Variants in PRKCE observed in about 807,000 individuals in gnomAD.
PRKCE encodes protein kinase C epsilon type.
PRKCE carries 16 observed loss-of-function variants against 85.4 expected under a neutral mutation model. That is an observed-to-expected ratio of 0.19 (90% CI 0.13 to 0.28). PRKCE has a LOEUF of 0.28. PRKCE is among the 10% of genes least tolerant of loss of function. The pLI is 1.00. For missense variants in PRKCE, 573 were observed against 975.2 expected, an observed-to-expected ratio of 0.59 and a Z score of 5.49; for synonymous variants, 388 against 371.5, an observed-to-expected ratio of 1.04 and a Z score of -0.51.
At chr2:46,025,047 C>T (rs1706992635) in intron 10 of PRKCE, among the ~76,000 whole-genome samples, 1 of 152,044 alleles carries the variant, frequency 6.6e-6, no homozygotes, top group African/African-American at 2.4e-5. Context: ...AGGTAGGCTC[C>T]ACTGAAAGAA....
At chr2:46,114,446 C>T in intron 11 of PRKCE, among the ~76,000 whole-genome samples, 1 of 100,952 alleles carries the variant, frequency 9.9e-6, no homozygotes, top group African/African-American at 4.0e-5. Flanking sequence ...GAGACAGAGT[C>T]TTGCTCTGTC....
chr2:45,651,561 C>G (rs972544438), upstream of PRKCE: 2 of 155,510 alleles, frequency 1.3e-5, no homozygotes, highest in South Asian at 2.0e-4. Flanking sequence ...TTCACCCCCC[C>G]GCCCCGCGCG....
At chr2:45,700,158 C>T (rs1678504799) in intron 1 of PRKCE, among the ~76,000 whole-genome samples, 1 of 150,010 alleles carries the variant, frequency 6.7e-6, no homozygotes, top group African/African-American at 2.4e-5. Flanking sequence ...AGAGGGCTAA[C>T]ATCTGAGGCC....
chr2:45,892,270 C>A (rs1036969529), intron 2 of PRKCE, among the ~76,000 whole-genome samples: 6 of 152,178 alleles, frequency 3.9e-5, no homozygotes, highest in Non-Finnish European at 8.8e-5. Flanking sequence ...TCAGTAAGCC[C>A]TTTCATGTCC....
At chr2:46,180,142 C>T (rs1043406194) in intron 14 of PRKCE, among the ~76,000 whole-genome samples, 6 of 152,156 alleles carry the variant, frequency 3.9e-5, no homozygotes, top group Non-Finnish European at 2.9e-5. Flanking sequence ...ATGGTGAGGG[C>T]ACCCACAAGA....
chr2:45,890,538 C>A (rs977465764), intron 2 of PRKCE, among the ~76,000 whole-genome samples: 1 of 152,104 alleles, frequency 6.6e-6, no homozygotes, highest in Admixed American at 6.5e-5. Context: ...CACCACCACA[C>A]CTGGCTAATT....
At chr2:46,059,164 T>C (rs1049206577) in intron 10 of PRKCE, among the ~76,000 whole-genome samples, 16 of 151,970 alleles carry the variant, frequency 1.1e-4, no homozygotes, top group African/African-American at 3.9e-4. Context: ...GCCATGAGGA[T>C]CACTAGCCAT....
At chr2:46,010,077 A>G (rs545854357) in intron 9 of PRKCE, among the ~76,000 whole-genome samples, 1 of 152,358 alleles carries the variant, frequency 6.6e-6, no homozygotes, top group South Asian at 2.1e-4. Context: ...TAATTGTAGA[A>G]TAGGAAGTTT....
intron 2 of PRKCE, among the ~76,000 whole-genome samples, chr2:45,944,655 A>ATTTTTTTTTTTTTTT (rs71394861): frequency 5.3e-5 from 4 of 75,628 alleles, no homozygotes; most frequent in Non-Finnish European, 7.1e-5. Flanking sequence ...TACCCGGCTA[A>ATTTTTTTTTTTTTTT]TTTTTTTTTT....
chr2:45,812,182 C>G (rs936156240), intron 1 of PRKCE, among the ~76,000 whole-genome samples: 1 of 152,194 alleles, frequency 6.6e-6, no homozygotes, highest in Non-Finnish European at 1.5e-5. Context: ...GTTCTACTTA[C>G]CTAACAGGAT....
intron 10 of PRKCE, among the ~76,000 whole-genome samples, chr2:46,070,188 G>A (rs1667954402): frequency 6.6e-6 from 1 of 152,212 alleles, no homozygotes; most frequent in South Asian, 2.1e-4. Flanking sequence ...TTGGTCACAG[G>A]GAGAACTGTT....
intron 1 of PRKCE, among the ~76,000 whole-genome samples, chr2:45,698,699 G>A (rs931588458): frequency 6.6e-6 from 1 of 152,178 alleles, no homozygotes; most frequent in Non-Finnish European, 1.5e-5. Flanking sequence ...TCTTGTATCT[G>A]GGCCTGATTG....
chr2:46,111,501 A>G (rs1227398281), intron 11 of PRKCE, among the ~76,000 whole-genome samples: 1 of 152,166 alleles, frequency 6.6e-6, no homozygotes. Flanking sequence ...TAGTCCTTCC[A>G]TCCCCTTACC....
At chr2:45,716,372 C>G (rs1680085125) in intron 1 of PRKCE, among the ~76,000 whole-genome samples, 1 of 151,998 alleles carries the variant, frequency 6.6e-6, no homozygotes, top group South Asian at 2.1e-4. Context: ...CAAAAATTAG[C>G]CAGGCGTGGT....
chr2:45,789,870 A>T (rs1163165345), intron 1 of PRKCE, among the ~76,000 whole-genome samples: 1 of 152,236 alleles, frequency 6.6e-6, no homozygotes, highest in African/African-American at 2.4e-5. Flanking sequence ...CTTTCTGAAG[A>T]TAATGAAAAC....
intron 11 of PRKCE, among the ~76,000 whole-genome samples, chr2:46,089,139 CT>C (rs1431406071): frequency 6.6e-6 from 1 of 152,192 alleles, no homozygotes; most frequent in Non-Finnish European, 1.5e-5. Context: ...ATCACAGTGG[CT>C]GGCTCCTTCA....
chr2:45,719,795 C>T (rs2104449088), intron 1 of PRKCE, among the ~76,000 whole-genome samples: 1 of 152,250 alleles, frequency 6.6e-6, no homozygotes, highest in South Asian at 2.1e-4. Flanking sequence ...TGCCGTGGCT[C>T]TTGCCTGTAA....
chr2:45,736,133 G>A (rs1024994110), intron 1 of PRKCE, among the ~76,000 whole-genome samples: 4 of 152,132 alleles, frequency 2.6e-5, no homozygotes, highest in Middle Eastern at 3.4e-3. Flanking sequence ...GCTGATTTTT[G>A]TATTTTTAGT....
intron 11 of PRKCE, among the ~76,000 whole-genome samples, chr2:46,134,116 A>C (rs12105417): frequency 0.27 from 41,697 of 152,128 alleles, 6,120 homozygotes; most frequent in Middle Eastern, 0.42. Flanking sequence ...CATTCCATAC[A>C]TTATCTGGAA....
Sources: allele counts gnomAD v4.1 joint callset (sites outside exome capture counted in the v4.1 genomes callset), GRCh38; gene constraint gnomAD v4.1.1; transcripts MANE v1.5; gene names NCBI Gene and HGNC (gene_info 2026-07-23, HGNC 2026-07-21).